ROBO1: variants seen among roughly 807,000 people sequenced by gnomAD.
ROBO1 encodes roundabout homolog 1.
In ROBO1, 149 loss-of-function variants were observed where a neutral mutation model predicts 195.9. The observed-to-expected ratio is 0.76, with a 90% CI of 0.67 to 0.87. ROBO1 has a LOEUF of 0.87. Ranked by LOEUF, ROBO1 falls within the 40% of genes least tolerant of loss-of-function variation. ROBO1 has a pLI of 0.00. For missense variants in ROBO1, 1,933 were observed against 2,068.3 expected (o/e 0.93, Z 1.27); for synonymous variants, 816 against 733.2 (o/e 1.11, Z -1.82).
intron 4 of ROBO1, among the ~76,000 whole-genome samples, chr3:78,809,032 A>C (rs909836206): frequency 3.9e-5 from 6 of 152,188 alleles, no homozygotes; most frequent in Non-Finnish European, 8.8e-5. Flanking sequence ...CTGCACAGTA[A>C]AAGAAACTAC....
intron 2 of ROBO1, among the ~76,000 whole-genome samples, chr3:79,585,381 C>T (rs1943796108): frequency 6.6e-6 from 1 of 151,866 alleles, no homozygotes; most frequent in Admixed American, 6.6e-5. Flanking sequence ...AATTTAAAAC[C>T]CACTGATCTG....
intron 2 of ROBO1, among the ~76,000 whole-genome samples, chr3:79,276,093 T>C (rs561738638): frequency 3.2e-4 from 48 of 152,066 alleles, no homozygotes; most frequent in African/African-American, 1.2e-3. Flanking sequence ...AAAATATCAA[T>C]GACATTCTTC....
chr3:79,320,338 C>T (rs551365559), intron 2 of ROBO1, among the ~76,000 whole-genome samples: 6 of 152,174 alleles, frequency 3.9e-5, no homozygotes, highest in Admixed American at 2.6e-4. Context: ...GTGATCTTTT[C>T]GTTTGTTTGT....
intron 2 of ROBO1, among the ~76,000 whole-genome samples, chr3:79,552,626 G>A (rs1462600184): frequency 6.6e-6 from 1 of 152,056 alleles, no homozygotes; most frequent in Non-Finnish European, 1.5e-5. Context: ...ATTCCCAACT[G>A]AAGTTCTCTG....
At chr3:79,159,197 C>T (rs2080911018) in intron 2 of ROBO1, among the ~76,000 whole-genome samples, 1 of 151,936 alleles carries the variant, frequency 6.6e-6, no homozygotes, top group Admixed American at 6.6e-5. Context: ...CCTCTATCAA[C>T]CCTGGATTAC....
chr3:79,737,574 A>G (rs1201304953), intron 1 of ROBO1, among the ~76,000 whole-genome samples: 3 of 152,186 alleles, frequency 2.0e-5, no homozygotes, highest in Non-Finnish European at 2.9e-5. Flanking sequence ...AGAGGCAAAC[A>G]ATGGACAAAC....
intron 3 of ROBO1, among the ~76,000 whole-genome samples, chr3:78,980,847 T>C (rs989153442): frequency 2.6e-5 from 4 of 152,194 alleles, no homozygotes; most frequent in African/African-American, 9.6e-5. Context: ...TAAAGAGAGA[T>C]AATATTAACT....
chr3:79,433,045 T>G (rs1047662794), intron 2 of ROBO1, among the ~76,000 whole-genome samples: 1 of 152,222 alleles, frequency 6.6e-6, no homozygotes, highest in Admixed American at 6.5e-5. Flanking sequence ...AGTTCAGGGG[T>G]ACATGTGCCG....
chr3:79,174,217 T>G (rs2081223234), intron 2 of ROBO1, among the ~76,000 whole-genome samples: 1 of 152,070 alleles, frequency 6.6e-6, no homozygotes, highest in African/African-American at 2.4e-5. Flanking sequence ...ACTGCCTTTA[T>G]AAGCTGTAAC....
chr3:79,514,637 G>A (rs1397529798), intron 2 of ROBO1, among the ~76,000 whole-genome samples: 1 of 152,036 alleles, frequency 6.6e-6, no homozygotes, highest in Non-Finnish European at 1.5e-5. Context: ...GTGTTACAGT[G>A]TATTAACACT....
chr3:79,620,419 T>C (rs1944968691), intron 1 of ROBO1, among the ~76,000 whole-genome samples: 1 of 152,130 alleles, frequency 6.6e-6, no homozygotes, highest in Non-Finnish European at 1.5e-5. Flanking sequence ...TTACCTTCTT[T>C]TCAAGGGCCC....
At chr3:79,400,421 C>T (rs1005187147) in intron 2 of ROBO1, among the ~76,000 whole-genome samples, 3 of 152,082 alleles carry the variant, frequency 2.0e-5, no homozygotes, top group Non-Finnish European at 4.4e-5. Flanking sequence ...ATTACCCTCC[C>T]ATTTCAAGTT....
chr3:79,215,180 A>G (rs1355473953), intron 2 of ROBO1, among the ~76,000 whole-genome samples: 3 of 152,106 alleles, frequency 2.0e-5, no homozygotes, highest in Non-Finnish European at 2.9e-5. Context: ...TGGAACAAGG[A>G]TATATTAGCT....
chr3:79,646,339 C>A (rs34618686), intron 1 of ROBO1, among the ~76,000 whole-genome samples: 13,408 of 152,084 alleles, frequency 0.088, 668 homozygotes, highest in South Asian at 0.14. Flanking sequence ...CAGAGAAATG[C>A]AAATCAAACG....
rs1315809630 is a variant in ROBO1 at position 78,787,213 on chromosome 3, C to A, written c.500-40313G>T. 2.0e-5 allele frequency among the ~76,000 whole-genome samples: 3 copies of A among 152,106 alleles called. No homozygotes were observed. The South Asian group carries it at 6.2e-4, about 31-fold the overall frequency. On this transcript the variant is annotated intron_variant, in intron 4 of 30. Transcript: ENST00000464233. ...TCACTGGCCTAAATTATTAAACATA[C>A]TGTTTTGACTGTTTAATTCAGTAAT...
intron 3 of ROBO1, among the ~76,000 whole-genome samples, chr3:79,003,457 A>C (rs1329046029): frequency 6.6e-6 from 1 of 152,060 alleles, no homozygotes; most frequent in African/African-American, 2.4e-5. Context: ...AATAGAAACA[A>C]TGCAACAATT....
At chr3:79,510,884 G>T (rs1940669078) in intron 2 of ROBO1, among the ~76,000 whole-genome samples, 1 of 152,044 alleles carries the variant, frequency 6.6e-6, no homozygotes, top group South Asian at 2.1e-4. Flanking sequence ...GAATTAAAAT[G>T]AATTAAAATT....
intron 1 of ROBO1, among the ~76,000 whole-genome samples, chr3:79,601,266 G>A (rs1944331033): frequency 6.6e-6 from 1 of 151,946 alleles, no homozygotes; most frequent in Non-Finnish European, 1.5e-5. Flanking sequence ...ACAATAGATG[G>A]TTTCATTCGG....
intron 3 of ROBO1, among the ~76,000 whole-genome samples, chr3:79,022,752 A>G (rs1404735369): frequency 6.6e-6 from 1 of 152,160 alleles, no homozygotes; most frequent in African/African-American, 2.4e-5. Context: ...CTAAATTTCC[A>G]CTTAGAGAAT....
Sources: gnomAD v4.1 joint callset for allele counts (sites outside exome capture counted in the v4.1 genomes callset) on GRCh38, gnomAD v4.1.1 for gene constraint, MANE v1.5 for transcripts, NCBI Gene and HGNC (gene_info 2026-07-23, HGNC 2026-07-21) for gene names.